Variants in MAPK10 observed in about 807,000 individuals in gnomAD.
MAPK10 encodes JNK3 alpha protein kinase.
MAPK10 carries 25 observed loss-of-function variants against 59.3 expected under a neutral mutation model. The observed-to-expected ratio is 0.42, with a 90% CI of 0.31 to 0.59. MAPK10 has a LOEUF of 0.59. Among genes scored for constraint, MAPK10 ranks in the 20% least tolerant of loss-of-function variants. The pLI, the probability that MAPK10 is intolerant of heterozygous loss-of-function variation, is 0.15. For missense variants in MAPK10, 351 were observed against 568.9 expected, an observed-to-expected ratio of 0.62 and a Z score of 3.90; for synonymous variants, 190 against 200.5, an observed-to-expected ratio of 0.95 and a Z score of 0.44.
At chr4:86,530,754 A>G (rs535585838) in intron 1 of MAPK10, among the ~76,000 whole-genome samples, 12 of 152,298 alleles carry the variant, frequency 7.9e-5, no homozygotes, top group African/African-American at 2.9e-4. Context: ...CCAACCTCCC[A>G]ACTCCACTAC....
intron 10 of MAPK10, 86 bp downstream of exon 10, chr4:86,067,685 AAG>A: frequency 1.8e-6 from 2 of 1,107,600 alleles, no homozygotes; most frequent in Non-Finnish European, 2.5e-6. Context: ...AAAGGGAACA[AAG>A]AGAAAGAGAT....
At chr4:86,386,268 C>T (rs138625217) in intron 1 of MAPK10, among the ~76,000 whole-genome samples, 24 of 152,316 alleles carry the variant, frequency 1.6e-4, no homozygotes, top group African/African-American at 4.3e-4. Flanking sequence ...ATCTCTCTGT[C>T]CATTTACTCA....
rs78723875 is a variant in MAPK10, at chr4:86,303,952, C to T, written c.-7+50578G>A. On this transcript the variant is annotated intron_variant, in intron 2 of 13. Transcript: ENST00000641462. Reference sequence around the variant, plus strand: ...GAAAGTCGATCAACTCTGCACACACCTATGGAATCAACAGTCCCCACAGGA... The same window carrying T: ...GAAAGTCGATCAACTCTGCACACACTTATGGAATCAACAGTCCCCACAGGA... Among the ~76,000 whole-genome samples, 578 of 152,276 alleles carry T rather than the reference C, an allele frequency of 3.8e-3. 5 individuals are homozygous for T. Among genetic ancestry groups the T allele is most frequent in the African/African-American group, 0.013 (548 of 41,562 alleles).
intron 3 of MAPK10, among the ~76,000 whole-genome samples, chr4:86,167,825 G>A (rs2072356963): frequency 6.6e-6 from 1 of 152,138 alleles, no homozygotes; most frequent in African/African-American, 2.4e-5. Context: ...CACAAGACAA[G>A]GATGCCCTCT....
chr4:86,497,301 A>G (rs563691898), intron 1 of MAPK10, among the ~76,000 whole-genome samples: 8 of 152,320 alleles, frequency 5.3e-5, no homozygotes. Context: ...TCAAAGTCAC[A>G]CTTATGCTTT....
At chr4:86,453,968 C>G (rs1179543051), upstream of MAPK10, among the ~76,000 whole-genome samples, 4 of 152,162 alleles carry the variant, frequency 2.6e-5, no homozygotes, top group African/African-American at 9.7e-5. Context: ...CAGTACCAGC[C>G]CAGAGCCTGT....
chr4:86,445,706 A>G (rs1390598399), intron 1 of MAPK10, among the ~76,000 whole-genome samples: 1 of 152,206 alleles, frequency 6.6e-6, no homozygotes, highest in Non-Finnish European at 1.5e-5. Flanking sequence ...CACACAAGCA[A>G]GAAAAGACGA....
chr4:86,506,528 T>C (rs912694081), intron 1 of MAPK10, among the ~76,000 whole-genome samples: 2 of 152,074 alleles, frequency 1.3e-5, no homozygotes, highest in African/African-American at 2.4e-5. Flanking sequence ...GACTAAAAGA[T>C]AGCACTTAGT....
intron 5 of MAPK10, among the ~76,000 whole-genome samples, chr4:86,103,464 A>G (rs1156966193): frequency 3.9e-5 from 6 of 152,140 alleles, no homozygotes; most frequent in Non-Finnish European, 8.8e-5. Context: ...AAAAAGCTCA[A>G]TTCTTGGGCA....
rs559883526 is a variant in MAPK10 at position 86,256,628 on chromosome 4, ACTT to A, written c.-6-62224_-6-62222del. Among the ~76,000 whole-genome samples, 450 of 151,872 alleles carry A rather than the reference ACTT, an allele frequency of 3.0e-3. 1 individual carries two copies. The highest frequency in any genetic ancestry group is 9.3e-3 in the African/African-American group (387 of 41,420). ...ACATTATAGGTAAACTAAAAATCAT[ACTT>A]CTTCTTATTTTTAGTTTTTGTCAGT... On this transcript the variant is annotated intron_variant, in intron 2 of 13. Transcript: ENST00000641462.
At chr4:86,406,630 T>C (rs1453813916) in intron 1 of MAPK10, among the ~76,000 whole-genome samples, 1 of 152,198 alleles carries the variant, frequency 6.6e-6, no homozygotes, top group Non-Finnish European at 1.5e-5. Context: ...AGCTAACTAT[T>C]ATGCCGAAAT....
chr4:86,316,803 G>A (rs995907743), intron 2 of MAPK10, among the ~76,000 whole-genome samples: 12 of 152,176 alleles, frequency 7.9e-5, no homozygotes, highest in African/African-American at 1.4e-4. Context: ...GCTGAATCCC[G>A]GCAACCTACA....
intron 1 of MAPK10, among the ~76,000 whole-genome samples, chr4:86,533,715 T>C (rs1260627523): frequency 6.6e-6 from 1 of 152,228 alleles, no homozygotes; most frequent in Non-Finnish European, 1.5e-5. Flanking sequence ...TGATTCTGAA[T>C]GGTATTACCT....
rs1321909980 is a variant in MAPK10, at chr4:86,011,943, A to T, written c.*5285T>A. Reference sequence around the variant, plus strand: ...GACCTCTTCATCCAGCCACAAAATCATATATATTTTTAATTCTCCAAGGAG... The same window carrying T: ...GACCTCTTCATCCAGCCACAAAATCTTATATATTTTTAATTCTCCAAGGAG... On this transcript the variant is annotated 3_prime_UTR_variant, in exon 14 of 14. Coordinates refer to ENST00000641462, the MANE Select transcript of MAPK10 (RefSeq NM_138982.4). 6.6e-6 allele frequency: 1 copy of T among 152,226 alleles called. No homozygotes were observed. Among genetic ancestry groups the T allele is most frequent in the African/African-American group, 2.4e-5 (1 of 41,456 alleles). The allele number at this position is 152,226 out of a possible 1,614,324, so 9.4% of individuals were successfully genotyped here.
chr4:86,354,659 A>G lies in MAPK10; in HGVS notation c.-121-15T>C. 9.9e-7 allele frequency: 1 copy of G among 1,007,584 alleles called. No homozygotes were observed. Among genetic ancestry groups the G allele is most frequent in the Non-Finnish European group, 1.3e-6 (1 of 783,314 alleles). 62.4% of individuals were successfully genotyped at this position (1,007,584 alleles called of 1,614,324 possible). A position where few individuals can be genotyped will look rare whatever the true frequency, so the allele number is the denominator to read the frequency against. On this transcript the variant is annotated splice_polypyrimidine_tract_variant and intron_variant, in intron 1 of 13. Transcript: ENST00000641462. ...CTCACACTAGCCTGAAAGCAAAGCC[A>G]AAAAACAGATGAGTTTGATTTTAAG...
At chr4:86,523,927 G>A (rs759525904) in intron 1 of MAPK10, among the ~76,000 whole-genome samples, 1 of 152,186 alleles carries the variant, frequency 6.6e-6, no homozygotes, top group African/African-American at 2.4e-5. Flanking sequence ...AATGTTGGAG[G>A]TGGGGCCTAA....
intron 2 of MAPK10, among the ~76,000 whole-genome samples, chr4:86,276,469 CA>C (rs745481477): frequency 8.6e-5 from 13 of 151,980 alleles, no homozygotes; most frequent in Non-Finnish European, 1.6e-4. Flanking sequence ...AAAAAAGATA[CA>C]TGCTTGCTTG....
At chr4:86,166,387 T>C (rs1305188052) in intron 3 of MAPK10, among the ~76,000 whole-genome samples, 1 of 152,150 alleles carries the variant, frequency 6.6e-6, no homozygotes, top group Non-Finnish European at 1.5e-5. Flanking sequence ...AGATAATCTA[T>C]GTAAGCTCTA....
chr4:86,172,454 C>T (rs1392224710), intron 3 of MAPK10, among the ~76,000 whole-genome samples: 1 of 150,924 alleles, frequency 6.6e-6, no homozygotes, highest in Non-Finnish European at 1.5e-5. Flanking sequence ...AATCATCATT[C>T]ACAGTAAACT....
Sources: allele counts gnomAD v4.1 joint callset (sites outside exome capture counted in the v4.1 genomes callset), GRCh38; gene constraint gnomAD v4.1.1; transcripts MANE v1.5; gene names NCBI Gene and HGNC (gene_info 2026-07-23, HGNC 2026-07-21).